Variants in ACTG1 observed in about 807,000 individuals in gnomAD.
ACTG1 encodes the protein actin, cytoplasmic 2.
ACTG1 carries 14 observed loss-of-function variants against 34.3 expected under a neutral mutation model. The ratio of observed to expected loss-of-function variants is 0.41; its 90% CI spans 0.27 to 0.64. The LOEUF is 0.64. ACTG1 is among the 30% of genes least tolerant of loss of function. ACTG1 has a pLI of 0.33. For missense variants in ACTG1, 233 were observed against 529.5 expected (o/e 0.44, Z 5.50); for synonymous variants, 422 against 213.9 (o/e 1.97, Z -8.49).
In ACTG1 at chr17:81,510,001, A is replaced by T; in HGVS notation, c.*689T>A. 2.4e-6 allele frequency: 1 copy of T among 411,692 alleles called. No homozygotes were observed. The highest frequency in any genetic ancestry group is 4.8e-6 in the Non-Finnish European group (1 of 207,204). 25.5% of individuals were successfully genotyped at this position (411,692 alleles called of 1,614,324 possible). On this transcript the variant is annotated 3_prime_UTR_variant, in exon 6 of 6. Coordinates refer to ENST00000573283, the MANE Select transcript of ACTG1 (RefSeq NM_001614.5). ...TACGGCAGCACTTTTATTTTTCCTT[A>T]CACAATGACGTGTTGCTGGGGCCTA...
rs202094234 is a variant in ACTG1, at chr17:81,511,951, C to T, written c.315G>A (p.Leu105=). ...CCTTGGGGTTCAGGGGGGCCTCGGT[C>T]AGCAGCACTGGGTGCTCCTCCGGGG... ...RVAPEEHPVL[L]TEAPLNPKAN... Residue 105 remains leucine (L), a synonymous_variant, in exon 3 of 6, where the codon CTG becomes CTA. Coordinates refer to ENST00000573283, the MANE Select transcript of ACTG1 (RefSeq NM_001614.5). 254 of 1,614,126 alleles carry T rather than the reference C, an allele frequency of 1.6e-4. 2 individuals are homozygous for T. In the Admixed American group the frequency reaches 4.0e-3, roughly 26 times the overall value.
intron 3 of ACTG1, 136 bp from the exon 4 acceptor site, chr17:81,511,762 C>G (rs782351576): frequency 2.0e-6 from 3 of 1,536,632 alleles, no homozygotes; most frequent in Non-Finnish European, 1.8e-6. Context: ...AAATGAGAAA[C>G]CTGGAGGCTT....
Position 81,511,215 on chromosome 17 carries a change from C to T in ACTG1, c.775G>A (p.Glu259Lys), listed in dbSNP as rs2031746460. 6.2e-7 allele frequency: 1 copy of T among 1,613,604 alleles called. No homozygotes were observed. Among genetic ancestry groups the T allele is most frequent in the Non-Finnish European group, 8.5e-7 (1 of 1,180,044 alleles). The change falls in exon 4 of 6, where the codon GAG becomes AAG. Residue 259 changes from glutamate to lysine, a missense_variant. By Grantham distance (56) the Glu-to-Lys change is moderately conservative. Coordinates refer to ENST00000573283, the MANE Select transcript of ACTG1 (RefSeq NM_001614.5). ...AGGAAGGAAGGCTGGAACAGCGCCT[C>T]CGGACACCGGAACCGCTCATTGCCA... ...TIGNERFRCP[E>K]ALFQPSFLGM... is the part of the protein sequence containing the mutation.
At chr17:81,512,385 G>C (rs782403714) in intron 1 of ACTG1, 25 bp from the exon 2 acceptor site, 3 of 1,613,790 alleles carry the variant, frequency 1.9e-6, no homozygotes, top group Non-Finnish European at 1.7e-6. Context: ...ATGGACTCAG[G>C]CGGGCGCGTC....
chr17:81,512,209 G>A (rs367960707), intron 2 of ACTG1, 23 bp downstream of exon 2: 6 of 1,613,210 alleles, frequency 3.7e-6, no homozygotes, highest in Non-Finnish European at 5.1e-6. Context: ...GAACCCAGGA[G>A]CCCCGCGGCG....
In ACTG1 at chr17:81,510,327, A is replaced by AC. The variant is rs1555666101; in HGVS notation, c.*362dup. 2.2e-6 allele frequency: 1 copy of AC among 445,286 alleles called. No homozygotes were observed. Among genetic ancestry groups the AC allele is most frequent in the East Asian group, 6.6e-5 (1 of 15,262 alleles). 27.6% of individuals were successfully genotyped at this position (445,286 alleles called of 1,614,324 possible). On this transcript the variant is annotated 3_prime_UTR_variant, in exon 6 of 6. Transcript: ENST00000573283. Reference sequence around the variant, plus strand: ...GAACACTCAGCCCTGACACGTTAATACCCTGCACAGATCAGAGGCTGCTGG... The same window carrying AC: ...GAACACTCAGCCCTGACACGTTAATACCCCTGCACAGATCAGAGGCTGCTGG...
rs2031842056 is a variant in ACTG1 at position 81,512,160 on chromosome 17, T to TCA, written c.124-20_124-19dup. 1 of 1,613,264 alleles carries TCA rather than the reference T, an allele frequency of 6.2e-7. No homozygotes were observed. The highest frequency in any genetic ancestry group is 8.5e-7 in the Non-Finnish European group (1 of 1,179,978). On this transcript the variant is annotated intron_variant, in intron 2 of 5. Coordinates refer to ENST00000573283, the MANE Select transcript of ACTG1 (RefSeq NM_001614.5). ...ATGACGCCCTGCAGGGGACGACCCG[T>TCA]CAGCCTCGCCGGCGACACCGAACCC...
rs1555667584 is a variant in ACTG1, at chr17:81,512,786, C to T, written c.-59G>A. The T allele has an allele frequency of 4.9e-6, 2 of 410,836 alleles. No individual in the cohort carries two copies. Among genetic ancestry groups the T allele is most frequent in the African/African-American group, 2.2e-5 (1 of 45,722 alleles). 25.4% of individuals were successfully genotyped at this position (410,836 alleles called of 1,614,324 possible). Reference sequence around the variant, plus strand: ...CGGAAGAACAGAGTGCGAGAGCTGGCAGCGGCGACTGAGACCGACCGCGGC... The same window carrying T: ...CGGAAGAACAGAGTGCGAGAGCTGGTAGCGGCGACTGAGACCGACCGCGGC... On this transcript the variant is annotated 5_prime_UTR_variant, in exon 1 of 6. Transcript: ENST00000573283.
rs782673586 is a variant in ACTG1 at position 81,510,257 on chromosome 17, G to T, written c.*433C>A. 5.5e-6 allele frequency: 3 copies of T among 545,638 alleles called. No homozygotes were observed. The highest frequency in any genetic ancestry group is 1.6e-5 in the South Asian group (1 of 63,138). 33.8% of individuals were successfully genotyped at this position (545,638 alleles called of 1,614,324 possible). A position where few individuals can be genotyped will look rare whatever the true frequency, so the allele number is the denominator to read the frequency against. ...TGGACTTTCCAACCCTGACAGACCC[G>T]CAAGACAAAACAACTGGTTCTTGCC... On this transcript the variant is annotated 3_prime_UTR_variant, in exon 6 of 6. Transcript: ENST00000573283.
chr17:81,510,691 T>C lies in ACTG1; in HGVS notation c.1127A>G (p.Ter376=). 1 of 1,614,050 alleles carries C rather than the reference T, an allele frequency of 6.2e-7. No homozygotes were observed. Among genetic ancestry groups the C allele is most frequent in the Non-Finnish European group, 8.5e-7 (1 of 1,179,988 alleles). ...GPSIVHRKCF[*] ...ATGCTACGCATCTGCTGAGTCCGTT[T>C]AGAAGCATTTGCGGTGGACGATGGA... is the stretch of plus-strand genomic sequence containing the variant. Residue 376 remains the stop codon, a stop_retained_variant, in exon 6 of 6, where the codon TAA becomes TGA. Transcript: ENST00000573283.
chr17:81,511,679 C>T, intron 3 of ACTG1, 53 bp from the exon 4 acceptor site: 1 of 1,571,888 alleles, frequency 6.4e-7, no homozygotes, highest in South Asian at 1.1e-5. Context: ...ACGGCCACCC[C>T]ATGCTCACAC....
Position 81,510,915 on chromosome 17 carries a change from CCCT to C in ACTG1, c.984+9_984+11del. ...CCGAGCCAGGCAGAGGGCCACCAAC[CCCT>C]CGACTCACCTTGATCTTCATGGTGC... On this transcript the variant is annotated intron_variant, in intron 5 of 5. Coordinates refer to ENST00000573283, the MANE Select transcript of ACTG1 (RefSeq NM_001614.5). 6.2e-7 allele frequency: 1 copy of C among 1,613,970 alleles called. No homozygotes were observed. The highest frequency in any genetic ancestry group is 1.1e-5 in the South Asian group (1 of 91,084).
chr17:81,512,405 GT>G (rs1568063581), intron 1 of ACTG1, 45 bp from the exon 2 acceptor site: 2 of 1,613,486 alleles, frequency 1.2e-6, no homozygotes, highest in East Asian at 4.5e-5. Flanking sequence ...CTGTAACACG[GT>G]CCCCTCCCCA....
Position 81,511,715 on chromosome 17 carries a change from G to T in ACTG1, c.364-89C>A. ...GCCACAACATGCTGCATGCCAGTGT[G>T]ATGTGTGGAGAAAAGAAAAGAACGC... On this transcript the variant is annotated intron_variant, in intron 3 of 5. Coordinates refer to ENST00000573283, the MANE Select transcript of ACTG1 (RefSeq NM_001614.5). 3 of 1,518,258 alleles carry T rather than the reference G, an allele frequency of 2.0e-6. No homozygotes were observed. In the South Asian group the frequency reaches 3.7e-5, roughly 19 times the overall value. The allele number at this position is 1,518,258 out of a possible 1,614,324, so 94.0% of individuals were successfully genotyped here. A position where few individuals can be genotyped will look rare whatever the true frequency, so the allele number is the denominator to read the frequency against.
chr17:81,512,606 C>CCGG, intron 1 of ACTG1, 128 bp downstream of exon 1: 2 of 573,482 alleles, frequency 3.5e-6, no homozygotes, highest in South Asian at 2.0e-5. Context: ...TCCGCCTGAC[C>CCGG]CGGCCCACCC....
Position 81,511,643 on chromosome 17 carries a change from G to A in ACTG1, c.364-17C>T, listed in dbSNP as rs372545392. The A allele has an allele frequency of 3.8e-5, 62 of 1,610,840 alleles. No homozygotes were observed. The highest frequency in any genetic ancestry group is 1.7e-4 in the Middle Eastern group (1 of 6,040). ...AAACATAATCTGAGAAGGGACAAGG[G>A]GCGGCTTAGTCAGGGACAGAGACCC... On this transcript the variant is annotated splice_polypyrimidine_tract_variant and intron_variant, in intron 3 of 5. Coordinates refer to ENST00000573283, the MANE Select transcript of ACTG1 (RefSeq NM_001614.5).
intron 5 of ACTG1, 38 bp from the exon 6 acceptor site, chr17:81,510,871 CG>C (rs369875712): frequency 5.0e-6 from 8 of 1,597,752 alleles, no homozygotes; most frequent in Admixed American, 3.5e-5. Context: ...GCTCACAGAG[CG>C]CCCCCCAGTC....
In ACTG1 at chr17:81,512,331, C is replaced by T. The variant is rs1281695968; in HGVS notation, c.24G>A (p.Leu8=). 2.5e-6 allele frequency: 4 copies of T among 1,614,000 alleles called. No individual in the cohort carries two copies. In the East Asian group the frequency reaches 6.7e-5, roughly 27 times the overall value. Residue 8 remains leucine, a synonymous_variant, in exon 2 of 6, where the codon CTG becomes CTA. Transcript: ENST00000573283. MEEEIAA[L]VIDNGSGMCK... ...ACATGCCGGAGCCATTGTCAATGAC[C>T]AGCGCGGCGATCTCTTCTTCCATTG...
At chr17:81,511,816 AAGAAAC>A in intron 3 of ACTG1, 81 bp downstream of exon 3, 1 of 1,602,174 alleles carries the variant, frequency 6.2e-7, no homozygotes, top group Non-Finnish European at 8.5e-7. Context: ...GGAACAGCGA[AAGAAAC>A]ACTTAAATGT....
Sources: allele counts gnomAD v4.1 joint callset, GRCh38; gene constraint gnomAD v4.1.1; transcripts MANE v1.5; gene names NCBI Gene and HGNC (gene_info 2026-07-23, HGNC 2026-07-21).